Variants in SNX19 observed in about 807,000 individuals in gnomAD.
The protein encoded by SNX19 is sorting nexin-19.
Under a neutral mutation model 85.2 loss-of-function variants are expected in SNX19, and 60 were observed. That is an observed-to-expected ratio of 0.70 (90% confidence interval 0.57 to 0.87). SNX19 has a LOEUF of 0.87. SNX19 is among the 40% of genes least tolerant of loss of function. The pLI, the probability that SNX19 is intolerant of heterozygous loss-of-function variation, is 0.00. For missense variants in SNX19, 1,201 were observed against 1,217.8 expected (o/e 0.99, Z 0.21); for synonymous variants, 520 against 470.0 (o/e 1.11, Z -1.38).
chr11:130,879,573 C>A (rs753929758), intron 10 of SNX19, 51 bp downstream of exon 10: 1 of 1,484,620 alleles, frequency 6.7e-7, no homozygotes, highest in South Asian at 1.1e-5. Context: ...ACCTCTGAGA[C>A]CAGAGGTGGC....
At position 130,878,068 on chromosome 11, in the gene SNX19, G is replaced by A; in HGVS notation, c.*354C>T. 1 of 176,724 alleles carries A rather than the reference G, an allele frequency of 5.7e-6. No homozygotes were observed. Among genetic ancestry groups the A allele is most frequent in the Middle Eastern group, 2.5e-3 (1 of 398 alleles). The allele number at this position is 176,724 out of a possible 1,614,324, so 10.9% of individuals were successfully genotyped here. On this transcript the variant is annotated 3_prime_UTR_variant, in exon 11 of 11. Coordinates refer to ENST00000265909, the MANE Select transcript of SNX19 (RefSeq NM_014758.3). ...TTGTGTGCTGGTGGATTAAGCACATGTGTGCACAGGGCCAGGATTCTGGCA... is the reference window on the plus strand; with the variant it reads ...TTGTGTGCTGGTGGATTAAGCACATATGTGCACAGGGCCAGGATTCTGGCA...
intron 8 of SNX19, among the ~76,000 whole-genome samples, chr11:130,884,828 C>T (rs34333162): frequency 0.17 from 24,208 of 146,170 alleles, 2,130 homozygotes; most frequent in Middle Eastern, 0.27. Flanking sequence ...GCCAAGATCA[C>T]GCCACTGTAC....
chr11:130,872,467 T>C lies in SNX19; in HGVS notation c.*5955A>G, dbSNP rs78756727. 2.6e-5 allele frequency among the ~76,000 whole-genome samples: 4 copies of C among 152,050 alleles called. No individual in the cohort carries two copies. The highest frequency in any genetic ancestry group is 4.8e-5 in the African/African-American group (2 of 41,404). On this transcript the variant is annotated 3_prime_UTR_variant, in exon 11 of 11. Coordinates refer to ENST00000265909, the MANE Select transcript of SNX19 (RefSeq NM_014758.3). ...TTCTTCTGGATTTCCTTTTTTTTTT[T>C]CTCTCTTAAACCAGTCAATGTTGTC...
At position 130,871,193 on chromosome 11, in the gene SNX19, C is replaced by T. The variant is rs1490115759; in HGVS notation, c.*7229G>A. On this transcript the variant is annotated 3_prime_UTR_variant, in exon 11 of 11. Coordinates refer to ENST00000265909, the MANE Select transcript of SNX19 (RefSeq NM_014758.3). ...TGGAAGTTTCTCGTCTAACCTCCTG[C>T]CTAAACCATCTATAATACATTCTGT... 2.0e-5 allele frequency among the ~76,000 whole-genome samples: 3 copies of T among 152,272 alleles called. No individual in the cohort carries two copies. The East Asian group carries it at 5.8e-4, about 29-fold the overall frequency.
intron 8 of SNX19, among the ~76,000 whole-genome samples, chr11:130,900,784 G>GT (rs1244680296): frequency 6.6e-6 from 1 of 151,860 alleles, no homozygotes; most frequent in Non-Finnish European, 1.5e-5. Flanking sequence ...TTCTCATTTT[G>GT]TTTTTTTAAA....
chr11:130,902,965 T>C, intron 8 of SNX19: 2 of 285,430 alleles, frequency 7.0e-6, no homozygotes, highest in Non-Finnish European at 6.7e-6. Context: ...TATAACTGGG[T>C]GGAAAATTGA....
chr11:130,887,190 GT>G (rs1205305603), intron 8 of SNX19, among the ~76,000 whole-genome samples: 6 of 152,048 alleles, frequency 3.9e-5, no homozygotes, highest in African/African-American at 1.5e-4. Context: ...GCCACAAACA[GT>G]TTTTGTTTTT....
Position 130,915,677 on chromosome 11 carries a change from C to G in SNX19, c.263G>C (p.Cys88Ser), listed in dbSNP as rs779820214. The G allele has an allele frequency of 1.9e-6, 3 of 1,614,228 alleles. No homozygotes were observed. The highest frequency in any genetic ancestry group is 2.5e-6 in the Non-Finnish European group (3 of 1,180,044). ...HLERFIPLAT[C>S]PPCPEAERQL... ...CCTTTCTGCCTCAGGGCATGGAGGA[C>G]AGGTGGCCAACGGGATGAAGCGTTC... Residue 88 changes from cysteine to serine, a missense_variant, in exon 1 of 11, where the codon TGT becomes TCT. Physicochemically the swap from Cys to Ser is moderately radical, Grantham distance 112. This residue lies in a region of SNX19 where 791 missense variants were observed against 750.9 expected (regional missense o/e 1.05). Transcript: ENST00000265909.
chr11:130,871,243 A>G lies in SNX19; in HGVS notation c.*7179T>C, dbSNP rs778780938. ...TCCCCAAGAAAATGCTCTACTGCCA[A>G]CTAAGCCCATGTGATTCTCCTAGAG... On this transcript the variant is annotated 3_prime_UTR_variant, in exon 11 of 11. Coordinates refer to ENST00000265909, the MANE Select transcript of SNX19 (RefSeq NM_014758.3). 1.9e-4 allele frequency among the ~76,000 whole-genome samples: 29 copies of G among 152,218 alleles called. No homozygotes were observed. Among genetic ancestry groups the G allele is most frequent in the Non-Finnish European group, 3.7e-4 (25 of 68,038 alleles).
At position 130,876,173 on chromosome 11, in the gene SNX19, TG is replaced by T. The variant is rs1943236546; in HGVS notation, c.*2248del. On this transcript the variant is annotated 3_prime_UTR_variant, in exon 11 of 11. Transcript: ENST00000265909. ...AAACAAGCAAACAATAAAACCTTCC[TG>T]GATCAGCACAGGCCCAATTCTTCCC... 1 of 152,228 alleles carries T rather than the reference TG, an allele frequency of 6.6e-6. No individual in the cohort carries two copies. Among genetic ancestry groups the T allele is most frequent in the Admixed American group, 6.5e-5 (1 of 15,286 alleles). 9.4% of individuals were successfully genotyped at this position (152,228 alleles called of 1,614,324 possible). A position where few individuals can be genotyped will look rare whatever the true frequency, so the allele number is the denominator to read the frequency against.
intron 7 of SNX19, among the ~76,000 whole-genome samples, chr11:130,903,805 A>G (rs1945449731): frequency 1.3e-5 from 2 of 151,692 alleles, no homozygotes; most frequent in Admixed American, 1.3e-4. Flanking sequence ...CAGGATGCTG[A>G]ATACTTTCTG....
Position 130,876,812 on chromosome 11 carries a change from T to G in SNX19, c.*1610A>C, listed in dbSNP as rs879551458. The G allele has an allele frequency of 6.6e-6, 1 of 152,548 alleles. No homozygotes were observed. Among genetic ancestry groups the G allele is most frequent in the Non-Finnish European group, 1.5e-5 (1 of 68,032 alleles). 9.4% of individuals were successfully genotyped at this position (152,548 alleles called of 1,614,324 possible). ...AGATGCTTCAAGAACTTTGGAGCCA[T>G]AAAGTCACTGTAATGGTCAACTTTT... On this transcript the variant is annotated 3_prime_UTR_variant, in exon 11 of 11. Transcript: ENST00000265909.
Position 130,903,370 on chromosome 11 carries a change from ACT to A in SNX19, c.2456_2457del (p.Glu819ValfsTer3), listed in dbSNP as rs751503858. ...AGCAGATCCAGGGCTGTGTCAGCTAACTCTGTCTCTGTTCCTGAGGGATAAAA... is the reference window on the plus strand; with the variant it reads ...AGCAGATCCAGGGCTGTGTCAGCTAACTGTCTCTGTTCCTGAGGGATAAAA... ...PSNSDPGTET[E>X]LADTALDLLL... On this transcript the variant is annotated frameshift_variant, in exon 8 of 11. Coordinates refer to ENST00000265909, the MANE Select transcript of SNX19 (RefSeq NM_014758.3). LOFTEE classifies it high-confidence loss of function. 6 of 1,612,480 alleles carry A rather than the reference ACT, an allele frequency of 3.7e-6. No homozygotes were observed. The highest frequency in any genetic ancestry group is 3.4e-6 in the Non-Finnish European group (4 of 1,179,818).
intron 4 of SNX19, 71 bp from the exon 5 acceptor site, chr11:130,908,154 C>G: frequency 6.4e-7 from 1 of 1,557,918 alleles, no homozygotes; most frequent in Non-Finnish European, 8.7e-7. Context: ...AAGCAGTCGC[C>G]TCACAGCACT....
chr11:130,885,575 G>A (rs956840324), intron 8 of SNX19, among the ~76,000 whole-genome samples: 2 of 152,186 alleles, frequency 1.3e-5, no homozygotes, highest in Non-Finnish European at 2.9e-5. Context: ...AATCAGTATG[G>A]CTTAATGAAG....
chr11:130,914,180 T>A, intron 1 of SNX19, 86 bp downstream of exon 1: 12 of 1,146,062 alleles, frequency 1.0e-5, no homozygotes, highest in Non-Finnish European at 1.5e-5. Flanking sequence ...ACTAACAGCA[T>A]CTCTCCCCCA....
intron 8 of SNX19, among the ~76,000 whole-genome samples, chr11:130,901,432 A>C (rs1190212387): frequency 6.6e-6 from 1 of 152,174 alleles, no homozygotes; most frequent in Non-Finnish European, 1.5e-5. Flanking sequence ...TATATGAAAA[A>C]TGTTTTGCAG....
In SNX19 at chr11:130,875,219, T is replaced by C. The variant is rs1234383853; in HGVS notation, c.*3203A>G. Among the ~76,000 whole-genome samples the C allele has an allele frequency of 6.6e-6, 1 of 152,184 alleles. No individual in the cohort carries two copies. The highest frequency in any genetic ancestry group is 1.5e-5 in the Non-Finnish European group (1 of 68,030). On this transcript the variant is annotated 3_prime_UTR_variant, in exon 11 of 11. Transcript: ENST00000265909. Reference sequence around the variant, plus strand: ...TCACATGCTGTAACGTGGATGAACCTGGAGGACATTATGCTAAGTGAAATA... The same window carrying C: ...TCACATGCTGTAACGTGGATGAACCCGGAGGACATTATGCTAAGTGAAATA...
In SNX19 at chr11:130,877,686, A is replaced by C. The variant is rs1305124941; in HGVS notation, c.*736T>G. 6.6e-6 allele frequency: 1 copy of C among 152,652 alleles called. No homozygotes were observed. Among genetic ancestry groups the C allele is most frequent in the Non-Finnish European group, 1.5e-5 (1 of 68,062 alleles). The allele number at this position is 152,652 out of a possible 1,614,324, so 9.5% of individuals were successfully genotyped here. On this transcript the variant is annotated 3_prime_UTR_variant, in exon 11 of 11. Coordinates refer to ENST00000265909, the MANE Select transcript of SNX19 (RefSeq NM_014758.3). Reference sequence around the variant, plus strand: ...AGCCAATAAATAAAATGGGTGGTATAAATGCCTTTCAGGAAAGGGTGTGAA... The same window carrying C: ...AGCCAATAAATAAAATGGGTGGTATCAATGCCTTTCAGGAAAGGGTGTGAA...
Sources: allele counts gnomAD v4.1 joint callset (sites outside exome capture counted in the v4.1 genomes callset), GRCh38; gene constraint gnomAD v4.1.1; regional missense constraint gnomAD v4.1.1; transcripts MANE v1.5; gene names NCBI Gene and HGNC (gene_info 2026-07-23, HGNC 2026-07-21).